Variants in QTMAN observed in about 807,000 individuals in gnomAD.
The protein encoded by QTMAN is tRNA-queuosine alpha-mannosyltransferase.
At chr2:144,025,977 ATCT>A in the QTMAN span, among the ~76,000 whole-genome samples, 2 of 152,100 alleles carry the variant, frequency 1.3e-5, no homozygotes, top group African/African-American at 4.8e-5. Flanking sequence ...ACATTCTCAG[ATCT>A]TCTTCTTGTG....
the QTMAN span, among the ~76,000 whole-genome samples, chr2:144,199,969 T>C: frequency 5.3e-5 from 8 of 152,204 alleles, no homozygotes; most frequent in Non-Finnish European, 1.0e-4. Flanking sequence ...TACCATAGTA[T>C]GTTGTTTCTT....
At chr2:144,215,299 T>C in the QTMAN span, among the ~76,000 whole-genome samples, 83 of 139,560 alleles carry the variant, frequency 5.9e-4, no homozygotes, top group Middle Eastern at 8.0e-3. Context: ...CACACACACA[T>C]ATATATATAT....
the QTMAN span, among the ~76,000 whole-genome samples, chr2:143,969,212 C>T: frequency 6.6e-6 from 1 of 152,164 alleles, no homozygotes; most frequent in East Asian, 1.9e-4. Flanking sequence ...TTTGGAATAA[C>T]TTAATCCTTC....
chr2:144,104,227 G>T, the QTMAN span, among the ~76,000 whole-genome samples: 1 of 152,180 alleles, frequency 6.6e-6, no homozygotes, highest in Non-Finnish European at 1.5e-5. Context: ...GAGGTACTGG[G>T]TTCATCTAAC....
chr2:144,168,918 C>T, the QTMAN span, among the ~76,000 whole-genome samples: 157 of 151,850 alleles, frequency 1.0e-3, 1 homozygote, highest in Middle Eastern at 0.014. Context: ...AGCTATGTAT[C>T]TAACATTATT....
chr2:144,033,386 C>T, the QTMAN span, among the ~76,000 whole-genome samples: 1 of 152,138 alleles, frequency 6.6e-6, no homozygotes, highest in Admixed American at 6.5e-5. Flanking sequence ...TACTAGATGA[C>T]TGGTTTATTG....
At chr2:144,215,257 A>C in the QTMAN span, among the ~76,000 whole-genome samples, 2 of 148,908 alleles carry the variant, frequency 1.3e-5, no homozygotes, top group Non-Finnish European at 3.0e-5. Context: ...TTTAAAAAAA[A>C]AAAAATATAT....
the QTMAN span, chr2:143,943,632 TC>T: frequency 6.6e-6 from 1 of 152,222 alleles, no homozygotes; most frequent in Middle Eastern, 3.2e-3. Flanking sequence ...TAAAATGAAA[TC>T]TTTGCTTCCA....
the QTMAN span, among the ~76,000 whole-genome samples, chr2:144,020,498 G>C: frequency 2.0e-5 from 3 of 152,230 alleles, no homozygotes; most frequent in Non-Finnish European, 4.4e-5. Context: ...TGACAAGGTA[G>C]AGGTTTAATT....
At chr2:144,230,620 T>C in the QTMAN span, among the ~76,000 whole-genome samples, 1 of 152,134 alleles carries the variant, frequency 6.6e-6, no homozygotes, top group East Asian at 1.9e-4. Flanking sequence ...TGACACATTC[T>C]TGGAAATCAA....
the QTMAN span, among the ~76,000 whole-genome samples, chr2:144,124,984 A>G: frequency 3.0e-4 from 45 of 152,270 alleles, no homozygotes; most frequent in African/African-American, 1.1e-3. Flanking sequence ...GTTTGAAAAG[A>G]ATTCAGAGTA....
At chr2:144,293,008 A>G in the QTMAN span, among the ~76,000 whole-genome samples, 1 of 152,230 alleles carries the variant, frequency 6.6e-6, no homozygotes, top group African/African-American at 2.4e-5. Context: ...TGTAAAAAAT[A>G]ATAATATTTG....
chr2:144,262,912 A>AGGAGAGG, the QTMAN span, among the ~76,000 whole-genome samples: 1 of 75,968 alleles, frequency 1.3e-5, no homozygotes, highest in Non-Finnish European at 2.6e-5. Context: ...GTGAGATGGG[A>AGGAGAGG]GGAGAGGGGA....
At chr2:144,284,982 C>T in the QTMAN span, among the ~76,000 whole-genome samples, 1 of 144,104 alleles carries the variant, frequency 6.9e-6, no homozygotes, top group East Asian at 2.0e-4. Context: ...GGAGCACTCC[C>T]GTAGTCCCAG....
chr2:144,217,876 G>A, the QTMAN span, among the ~76,000 whole-genome samples: 1 of 152,108 alleles, frequency 6.6e-6, no homozygotes, highest in Non-Finnish European at 1.5e-5. Flanking sequence ...GCAAAGTCAA[G>A]GTTCTCTTGA....
At chr2:144,115,769 G>A in the QTMAN span, among the ~76,000 whole-genome samples, 1 of 152,272 alleles carries the variant, frequency 6.6e-6, no homozygotes, top group Non-Finnish European at 1.5e-5. Context: ...TCATAACTGA[G>A]TGGCTATCAT....
chr2:143,996,930 G>C, the QTMAN span, among the ~76,000 whole-genome samples: 1 of 152,102 alleles, frequency 6.6e-6, no homozygotes, highest in Non-Finnish European at 1.5e-5. Context: ...AGTTTATATA[G>C]CATGTAGGTG....
chr2:143,977,315 A>G, the QTMAN span, among the ~76,000 whole-genome samples: 2 of 152,232 alleles, frequency 1.3e-5, no homozygotes, highest in African/African-American at 4.8e-5. Context: ...ACAGGTACAA[A>G]TAAGTAGGCA....
the QTMAN span, chr2:143,940,856 A>G: frequency 6.6e-6 from 1 of 152,288 alleles, no homozygotes; most frequent in Admixed American, 6.5e-5. Flanking sequence ...TTGTCCAGAA[A>G]TATCACAAGT....
Sources: allele counts gnomAD v4.1 joint callset (sites outside exome capture counted in the v4.1 genomes callset), GRCh38; gene constraint gnomAD v4.1.1; transcripts MANE v1.5; gene names NCBI Gene and HGNC (gene_info 2026-07-23, HGNC 2026-07-21).